The following POLR3D variants were observed in gnomAD, a reference collection of about 807,000 sequenced individuals.
POLR3D encodes DNA-directed RNA polymerase III subunit RPC4.
In POLR3D, 42 loss-of-function variants were observed where a neutral mutation model predicts 44.5. The observed-to-expected ratio is 0.94, with a 90% confidence interval of 0.74 to 1.22. The LOEUF (loss-of-function observed/expected upper bound fraction) is 1.22. POLR3D is among the 50% of genes most tolerant of loss of function. The pLI is 0.00. For missense variants in POLR3D, 507 were observed against 505.2 expected, an observed-to-expected ratio of 1.00 and a Z score of -0.03; for synonymous variants, 217 against 198.1, an observed-to-expected ratio of 1.10 and a Z score of -0.80.
At position 22,250,462 on chromosome 8, in the gene POLR3D, C is replaced by G; in HGVS notation, c.1141C>G (p.His381Asp). 2.5e-6 allele frequency: 4 copies of G among 1,614,158 alleles called. No individual in the cohort carries two copies. Among genetic ancestry groups the G allele is most frequent in the Non-Finnish European group, 2.5e-6 (3 of 1,179,994 alleles). ...GEMTVLGHVK[H>D]KLVCSPDFES... ...GATGACAGTCCTGGGACACGTGAAGCACAAACTTGTATGTTCCCCTGATTT... is the reference window on the plus strand; with the variant it reads ...GATGACAGTCCTGGGACACGTGAAGGACAAACTTGTATGTTCCCCTGATTT... The change falls in exon 9 of 9, where the codon CAC (histidine) becomes GAC (aspartate). Residue 381 changes from histidine to aspartate, a missense_variant. By Grantham distance (81) the His-to-Asp change is moderately conservative. Transcript: ENST00000306433.
At position 22,252,044 on chromosome 8, in the gene POLR3D, T is replaced by C. The variant is rs192121047; in HGVS notation, c.*1526T>C. The stretch of plus-strand genomic sequence containing the variant: ...CAAAGTTCCTCAAGCCTGTTACTCA[T>C]TTGTCAAGGCTGGGCTTCTCCTACA... On this transcript the variant is annotated 3_prime_UTR_variant, in exon 9 of 9. Transcript: ENST00000306433. 1.2e-4 allele frequency: 18 copies of C among 153,876 alleles called. No individual in the cohort carries two copies. Among genetic ancestry groups the C allele is most frequent in the Non-Finnish European group, 1.0e-4 (7 of 68,054 alleles). 9.5% of individuals were successfully genotyped at this position (153,876 alleles called of 1,614,324 possible).
chr8:22,246,437 G>T (rs1192555478), intron 2 of POLR3D, among the ~76,000 whole-genome samples: 1 of 149,962 alleles, frequency 6.7e-6, no homozygotes, highest in East Asian at 2.0e-4. Context: ...GCCGAATAAA[G>T]CGGTTTTTTG....
At position 22,248,005 on chromosome 8, in the gene POLR3D, A is replaced by AAAGGTAT. The variant is rs1830060533; in HGVS notation, c.361+2_361+8dup. ...GGGCCCAGCTGAAATGATGAAGAAA[A>AAAGGTAT]AAGGTATAAGGAAGGAATCAGTGAA... On this transcript the variant is annotated frameshift_variant, in exon 4 of 9. Transcript: ENST00000306433. LOFTEE classifies it high-confidence loss of function. 1.9e-6 allele frequency: 3 copies of AAAGGTAT among 1,613,672 alleles called. No individual in the cohort carries two copies. Among genetic ancestry groups the AAAGGTAT allele is most frequent in the Non-Finnish European group, 2.5e-6 (3 of 1,179,720 alleles).
At chr8:22,250,347 C>T (rs377008349) in intron 8 of POLR3D, 49 bp from the exon 9 acceptor site, 44 of 1,612,590 alleles carry the variant, frequency 2.7e-5, no homozygotes, top group African/African-American at 1.2e-4. Flanking sequence ...CAGCTCTACA[C>T]GCCGGGCACG....
At position 22,253,985 on chromosome 8, in the gene POLR3D, T is replaced by C. The variant is rs1830126094; in HGVS notation, c.*3467T>C. 6.6e-6 allele frequency: 1 copy of C among 152,212 alleles called. No homozygotes were observed. Among genetic ancestry groups the C allele is most frequent in the South Asian group, 2.1e-4 (1 of 4,826 alleles). 9.4% of individuals were successfully genotyped at this position (152,212 alleles called of 1,614,324 possible). A position where few individuals can be genotyped will look rare whatever the true frequency, so the allele number is the denominator to read the frequency against. The stretch of plus-strand genomic sequence containing the variant: ...GCCACTGCGCCCAGCCACATGTGCG[T>C]GTTTGTGTATATTGCGTACTGGTGG... On this transcript the variant is annotated 3_prime_UTR_variant, in exon 9 of 9. Coordinates refer to ENST00000306433, the MANE Select transcript of POLR3D (RefSeq NM_001722.3).
rs1830111101 is a variant in POLR3D at position 22,252,220 on chromosome 8, CCT to C, written c.*1703_*1704del. On this transcript the variant is annotated 3_prime_UTR_variant, in exon 9 of 9. Transcript: ENST00000306433. ...GTAGAGGACTGGAGCAGAAAGGGTTCCTTGGAAACCTGTGCTGGGAAGCCCTG... is the reference window on the plus strand; with the variant it reads ...GTAGAGGACTGGAGCAGAAAGGGTTCTGGAAACCTGTGCTGGGAAGCCCTG... The C allele has an allele frequency of 6.5e-6, 1 of 153,754 alleles. No homozygotes were observed. Among genetic ancestry groups the C allele is most frequent in the Non-Finnish European group, 1.5e-5 (1 of 68,062 alleles). 9.5% of individuals were successfully genotyped at this position (153,754 alleles called of 1,614,324 possible). A position where few individuals can be genotyped will look rare whatever the true frequency, so the allele number is the denominator to read the frequency against.
At chr8:22,247,305 T>C (rs1348617580) in intron 3 of POLR3D, 41 bp downstream of exon 3, 3 of 1,508,104 alleles carry the variant, frequency 2.0e-6, no homozygotes, top group African/African-American at 1.4e-5. Context: ...CCTTATTTAC[T>C]TGCTCTGAAT....
In POLR3D at chr8:22,247,782, T is replaced by C. The variant is rs1248151683; in HGVS notation, c.210-75T>C. 4 of 1,362,010 alleles carry C rather than the reference T, an allele frequency of 2.9e-6. No individual in the cohort carries two copies. In the East Asian group the frequency reaches 9.2e-5, roughly 31 times the overall value. The allele number at this position is 1,362,010 out of a possible 1,614,324, so 84.4% of individuals were successfully genotyped here. A position where few individuals can be genotyped will look rare whatever the true frequency, so the allele number is the denominator to read the frequency against. On this transcript the variant is annotated intron_variant, in intron 3 of 8. Transcript: ENST00000306433. ...AACTCTCCACTGTTTTGGAGTGAAG[T>C]GGTATGGGAGAGTAAGGCCAGATTT...
Position 22,250,540 on chromosome 8 carries a change from G to A in POLR3D, c.*22G>A, listed in dbSNP as rs905942972. 6.8e-6 allele frequency: 11 copies of A among 1,613,770 alleles called. No individual in the cohort carries two copies. Among genetic ancestry groups the A allele is most frequent in the South Asian group, 4.4e-5 (4 of 91,082 alleles). The stretch of plus-strand genomic sequence containing the variant: ...GTAAAATGAGCAGGTGGAGGAGGAC[G>A]GCGCCTGTGCCCACGGCTGCTGCCT... On this transcript the variant is annotated 3_prime_UTR_variant, in exon 9 of 9. Coordinates refer to ENST00000306433, the MANE Select transcript of POLR3D (RefSeq NM_001722.3).
intron 2 of POLR3D, among the ~76,000 whole-genome samples, chr8:22,246,806 C>T (rs1019040005): frequency 6.6e-6 from 1 of 152,176 alleles, no homozygotes; most frequent in African/African-American, 2.4e-5. Flanking sequence ...CCATAGTCAC[C>T]TGATTGAAAG....
intron 2 of POLR3D, 122 bp downstream of exon 2, chr8:22,245,736 C>T (rs1305631482): frequency 1.0e-5 from 6 of 597,768 alleles, no homozygotes; most frequent in African/African-American, 5.8e-5. Flanking sequence ...TCAAGCCTAC[C>T]CCTCTTTAAA....
At position 22,251,011 on chromosome 8, in the gene POLR3D, A is replaced by T. The variant is rs1455606633; in HGVS notation, c.*493A>T. The T allele has an allele frequency of 5.8e-6, 1 of 173,750 alleles. No individual in the cohort carries two copies. Among genetic ancestry groups the T allele is most frequent in the East Asian group, 1.5e-4 (1 of 6,760 alleles). 10.8% of individuals were successfully genotyped at this position (173,750 alleles called of 1,614,324 possible). On this transcript the variant is annotated 3_prime_UTR_variant, in exon 9 of 9. Transcript: ENST00000306433. ...CTGGTTCTGTGTCCTTGGACAAACT[A>T]CCTAACCTTTCTGAGCCTCCTATAC...
Position 22,248,659 on chromosome 8 carries a change from C to T in POLR3D, c.655+10C>T, listed in dbSNP as rs757026601. 6.8e-6 allele frequency: 11 copies of T among 1,606,860 alleles called. No homozygotes were observed. Among genetic ancestry groups the T allele is most frequent in the Admixed American group, 3.4e-5 (2 of 59,140 alleles). On this transcript the variant is annotated intron_variant, in intron 6 of 8. Transcript: ENST00000306433. The stretch of plus-strand genomic sequence containing the variant: ...ATACCTGCTGTGAAAGGTACTCTGT[C>T]GGTTAACTTCTCATCTCCAATTCCA...
At position 22,247,969 on chromosome 8, in the gene POLR3D, A is replaced by G. The variant is rs758867244; in HGVS notation, c.322A>G (p.Ile108Val). 3 of 1,614,036 alleles carry G rather than the reference A, an allele frequency of 1.9e-6. No homozygotes were observed. The highest frequency in any genetic ancestry group is 2.7e-5 in the African/African-American group (2 of 74,926). Residue 108 changes from isoleucine to valine, a missense_variant, in exon 4 of 9, where the codon ATC (isoleucine) becomes GTC (valine). By Grantham distance (29) the Ile-to-Val change is conservative. Coordinates refer to ENST00000306433, the MANE Select transcript of POLR3D (RefSeq NM_001722.3). ...TCCAGAAGTGATCCAGTCTCACTCC[A>G]TCTTTGAGCAGGGCCCAGCTGAAAT... ...GRPEVIQSHS[I>V]FEQGPAEMMK...
Position 22,249,083 on chromosome 8 carries a change from T to C in POLR3D, c.695T>C (p.Met232Thr), listed in dbSNP as rs555492016. Reference protein sequence around the residue: ...EPRDEEEEAKMKAPPKAARKT... With the variant: ...EPRDEEEEAKTKAPPKAARKT... ...CGAGATGAGGAGGAAGAGGCCAAGA[T>C]GAAGGCTCCTCCCAAAGCAGCCAGG... Residue 232 changes from methionine (M) to threonine (T), a missense_variant, in exon 7 of 9, where the codon ATG becomes ACG. By Grantham distance (81) the Met-to-Thr change is moderately conservative (BLOSUM62 -1). Transcript: ENST00000306433. The C allele has an allele frequency of 3.7e-6, 6 of 1,613,686 alleles. No individual in the cohort carries two copies. The African/African-American group carries it at 4.0e-5, about 11-fold the overall frequency.
In POLR3D at chr8:22,254,439, T is replaced by A. The variant is rs1830131537; in HGVS notation, c.*3921T>A. The A allele has an allele frequency of 6.6e-6, 1 of 151,796 alleles. No homozygotes were observed. Among genetic ancestry groups the A allele is most frequent in the African/African-American group, 2.4e-5 (1 of 41,260 alleles). 9.4% of individuals were successfully genotyped at this position (151,796 alleles called of 1,614,324 possible). On this transcript the variant is annotated 3_prime_UTR_variant, in exon 9 of 9. Coordinates refer to ENST00000306433, the MANE Select transcript of POLR3D (RefSeq NM_001722.3). ...TGGGAGGATCACTTGAGCCCAGGAG[T>A]TCAAGACCAGCCTGGGCAACATGGT...
chr8:22,245,534 C>A lies in POLR3D; in HGVS notation c.85C>A (p.Arg29=). 7.9e-7 allele frequency: 1 copy of A among 1,266,542 alleles called. No homozygotes were observed. The highest frequency in any genetic ancestry group is 1.0e-6 in the Non-Finnish European group (1 of 998,514). 78.5% of individuals were successfully genotyped at this position (1,266,542 alleles called of 1,614,324 possible). The change falls in exon 2 of 9, where the codon CGG becomes AGG. Residue 29 remains arginine, a synonymous_variant. Transcript: ENST00000306433. ...LLTGARGLIG[R]RPAPPLTPGR... Reference sequence around the variant, plus strand: ...GACTGGGGCCCGGGGGCTCATCGGGCGGCGGCCGGCGCCTCCCCTCACCCC... The same window carrying A: ...GACTGGGGCCCGGGGGCTCATCGGGAGGCGGCCGGCGCCTCCCCTCACCCC...
chr8:22,248,187 TG>T lies in POLR3D; in HGVS notation c.398del (p.Gly133AspfsTer37). The T allele has an allele frequency of 6.2e-7, 1 of 1,614,154 alleles. No individual in the cohort carries two copies. Among genetic ancestry groups the T allele is most frequent in the Non-Finnish European group, 8.5e-7 (1 of 1,180,028 alleles). ...GATAAGACAGTGGATGTGTCAGACATGGGACCTTCTCATATCATCAACATCA... is the reference window on the plus strand; with the variant it reads ...GATAAGACAGTGGATGTGTCAGACATGGACCTTCTCATATCATCAACATCA... The part of the protein sequence containing the change: ...NWDKTVDVSD[M>X]GPSHIINIKK... On this transcript the variant is annotated frameshift_variant, in exon 5 of 9. Coordinates refer to ENST00000306433, the MANE Select transcript of POLR3D (RefSeq NM_001722.3). LOFTEE classifies it high-confidence loss of function.
At position 22,248,510 on chromosome 8, in the gene POLR3D, C is replaced by T. The variant is rs776013990; in HGVS notation, c.516C>T (p.Asp172=). Residue 172 remains aspartate, a synonymous_variant, in exon 6 of 9, where the codon GAC becomes GAT. Transcript: ENST00000306433. ...DFLDDPGLRN[D]TRNMPVQLPL... ...TCGATGACCCCGGCCTGAGGAACGA[C>T]ACTCGAAATATGCCTGTGCAGCTGC... 3 of 1,614,172 alleles carry T rather than the reference C, an allele frequency of 1.9e-6. No individual in the cohort carries two copies. The South Asian group carries it at 3.3e-5, about 18-fold the overall frequency.
Sources: allele counts gnomAD v4.1 joint callset (sites outside exome capture counted in the v4.1 genomes callset), GRCh38; gene constraint gnomAD v4.1.1; transcripts MANE v1.5; gene names NCBI Gene and HGNC (gene_info 2026-07-23, HGNC 2026-07-21).